ANKRD17: variants seen among roughly 807,000 people sequenced by gnomAD.
ANKRD17 encodes ankyrin repeat domain-containing protein 17.
Under a neutral mutation model 229.7 loss-of-function variants are expected in ANKRD17, and 19 were observed. That is an observed-to-expected ratio of 0.08 (90% CI 0.06 to 0.12). The LOEUF is 0.12. Ranked by LOEUF, ANKRD17 falls within the 10% of genes least tolerant of loss-of-function variation. The pLI is 1.00. For synonymous variants in ANKRD17, 1,112 were observed against 1,146.1 expected (o/e 0.97, Z 0.60); for missense variants, 2,176 against 3,176.8 (o/e 0.68, Z 7.57).
Position 73,074,292 on chromosome 4 carries a change from A to C in ANKRD17, c.*1939T>G, listed in dbSNP as rs1720874033. ...ATAGCATCTGTTCTCCAGCAGGATTACCTTAAATAGAAAATAACCCTAGTT... is the reference window on the plus strand; with the variant it reads ...ATAGCATCTGTTCTCCAGCAGGATTCCCTTAAATAGAAAATAACCCTAGTT... On this transcript the variant is annotated 3_prime_UTR_variant, in exon 34 of 34. Coordinates refer to ENST00000358602, the MANE Select transcript of ANKRD17 (RefSeq NM_032217.5). 6.6e-6 allele frequency: 1 copy of C among 152,048 alleles called. No individual in the cohort carries two copies. Among genetic ancestry groups the C allele is most frequent in the African/African-American group, 2.4e-5 (1 of 41,452 alleles). The allele number at this position is 152,048 out of a possible 1,614,324, so 9.4% of individuals were successfully genotyped here.
chr4:73,139,086 C>A (rs1161537118), intron 15 of ANKRD17, among the ~76,000 whole-genome samples: 1 of 151,840 alleles, frequency 6.6e-6, no homozygotes, highest in Non-Finnish European at 1.5e-5. Context: ...GAAGTCTGAT[C>A]CATTAGGATA....
In ANKRD17 at chr4:73,176,911, C is replaced by T. The variant is rs542401468; in HGVS notation, c.547+469G>A. 5.5e-4 allele frequency among the ~76,000 whole-genome samples: 83 copies of T among 152,152 alleles called. 1 individual carries two copies. The South Asian group carries it at 0.016, about 29-fold the overall frequency. Reference sequence around the variant, plus strand: ...CAAAAATCACAAAAATGTGTAAAACCTGGCATTAAATAGGCCACAAAAGGA... The same window carrying T: ...CAAAAATCACAAAAATGTGTAAAACTTGGCATTAAATAGGCCACAAAAGGA... On this transcript the variant is annotated intron_variant, in intron 2 of 33. Transcript: ENST00000358602.
intron 1 of ANKRD17, among the ~76,000 whole-genome samples, chr4:73,250,731 G>C (rs1446114112): frequency 6.8e-6 from 1 of 147,926 alleles, no homozygotes; most frequent in Non-Finnish European, 1.5e-5. Flanking sequence ...GCTTGAGACA[G>C]AGTCTCACTC....
intron 1 of ANKRD17, among the ~76,000 whole-genome samples, chr4:73,200,047 A>G (rs1738440572): frequency 1.3e-5 from 2 of 152,218 alleles, no homozygotes; most frequent in Admixed American, 1.3e-4. Flanking sequence ...AAATGGATTT[A>G]GATTACAAAA....
intron 6 of ANKRD17, among the ~76,000 whole-genome samples, chr4:73,153,102 C>T (rs1731213347): frequency 6.6e-6 from 1 of 152,030 alleles, no homozygotes; most frequent in Non-Finnish European, 1.5e-5. Context: ...ATTTAAGGAG[C>T]CACTCACATG....
intron 1 of ANKRD17, among the ~76,000 whole-genome samples, chr4:73,236,413 G>C (rs561027302): frequency 6.6e-6 from 1 of 152,088 alleles, no homozygotes; most frequent in East Asian, 1.9e-4. Flanking sequence ...CCTCCCAAAG[G>C]GCTGTCATTA....
chr4:73,136,101 C>T (rs1265419929), intron 15 of ANKRD17, among the ~76,000 whole-genome samples: 3 of 152,086 alleles, frequency 2.0e-5, no homozygotes, highest in Non-Finnish European at 2.9e-5. Context: ...GGGAGGACTC[C>T]AAATATGCTG....
chr4:73,091,030 C>G lies in ANKRD17; in HGVS notation c.6598G>C (p.Val2200Leu). ...KNSASVQNSS[V>L]AVLSVNHIKR... ...ATGTGATTGACACTGAGGACTGCAACAGATGAATTTTGCACTGAAGCTGAA... is the reference window on the plus strand; with the variant it reads ...ATGTGATTGACACTGAGGACTGCAAGAGATGAATTTTGCACTGAAGCTGAA... Residue 2200 changes from valine to leucine, a missense_variant, in exon 29 of 34, where the codon GTT (valine) becomes CTT (leucine). This residue lies in a region of ANKRD17 where 424 missense variants were observed against 454.0 expected (regional missense o/e 0.93). Transcript: ENST00000358602. The G allele has an allele frequency of 9.9e-6, 16 of 1,614,170 alleles. No homozygotes were observed. Among genetic ancestry groups the G allele is most frequent in the Non-Finnish European group, 1.4e-5 (16 of 1,180,032 alleles).
rs112558106 is a variant in ANKRD17, at chr4:73,120,366, G to T, written c.3850-29C>A. On this transcript the variant is annotated intron_variant, in intron 20 of 33. Transcript: ENST00000358602. ...AGTTTAGTGTAAAATTAAAAGTAAT[G>T]ACACGTAAGAGACTGGAAAGATCTA... The T allele has an allele frequency of 1.7e-4, 265 of 1,601,024 alleles. 1 individual carries two copies. In the African/African-American group the frequency reaches 2.8e-3, roughly 17 times the overall value.
intron 1 of ANKRD17, among the ~76,000 whole-genome samples, chr4:73,245,020 A>G (rs1236417723): frequency 6.6e-6 from 1 of 152,160 alleles, no homozygotes; most frequent in East Asian, 1.9e-4. Context: ...ACAGACATGA[A>G]AACAGTGCTA....
intron 3 of ANKRD17, among the ~76,000 whole-genome samples, chr4:73,160,351 G>A (rs1452773431): frequency 2.6e-5 from 4 of 151,742 alleles, no homozygotes; most frequent in East Asian, 1.9e-4. Flanking sequence ...CCCGAGTAGC[G>A]GGGATTGCAG....
At chr4:73,237,275 C>A (rs962385073) in intron 1 of ANKRD17, among the ~76,000 whole-genome samples, 1 of 152,246 alleles carries the variant, frequency 6.6e-6, no homozygotes, top group East Asian at 1.9e-4. Flanking sequence ...ACTGCTCATG[C>A]ATAGAAGACA....
At chr4:73,096,742 T>C (rs776411411) in intron 27 of ANKRD17, among the ~76,000 whole-genome samples, 3 of 152,206 alleles carry the variant, frequency 2.0e-5, no homozygotes, top group Non-Finnish European at 2.9e-5. Context: ...AATAAAGTTA[T>C]CTTATGATTT....
chr4:73,243,172 G>C (rs183302248), intron 1 of ANKRD17, among the ~76,000 whole-genome samples: 196 of 152,140 alleles, frequency 1.3e-3, no homozygotes, highest in Admixed American at 2.6e-3. Context: ...AACTAGAAGG[G>C]CTGGAACAAC....
intron 24 of ANKRD17, chr4:73,102,916 C>T (rs572184439): frequency 6.0e-6 from 1 of 166,976 alleles, no homozygotes; most frequent in Non-Finnish European, 1.3e-5. Context: ...CTCTCCTGTA[C>T]TGCTGCGGGC....
chr4:73,097,721 G>T (rs914768282), intron 26 of ANKRD17, among the ~76,000 whole-genome samples: 1 of 152,112 alleles, frequency 6.6e-6, no homozygotes, highest in Non-Finnish European at 1.5e-5. Flanking sequence ...TTATAAGCAT[G>T]AGCCATTGCA....
At chr4:73,252,610 CTT>C (rs1159506647) in intron 1 of ANKRD17, among the ~76,000 whole-genome samples, 2 of 152,082 alleles carry the variant, frequency 1.3e-5, no homozygotes, top group African/African-American at 2.4e-5. Context: ...TCAACAAAAT[CTT>C]TTGTTTAATA....
At chr4:73,253,003 A>T (rs1745162833) in intron 1 of ANKRD17, among the ~76,000 whole-genome samples, 1 of 152,204 alleles carries the variant, frequency 6.6e-6, no homozygotes, top group South Asian at 2.1e-4. Flanking sequence ...GAAATATGGT[A>T]CTCAACACCA....
At chr4:73,183,830 G>A (rs1186057933) in intron 1 of ANKRD17, among the ~76,000 whole-genome samples, 1 of 152,066 alleles carries the variant, frequency 6.6e-6, no homozygotes, top group East Asian at 1.9e-4. Context: ...AATTTTGAAA[G>A]ACTAAAGGTG....
Sources: allele counts gnomAD v4.1 joint callset (sites outside exome capture counted in the v4.1 genomes callset), GRCh38; gene constraint gnomAD v4.1.1; regional missense constraint gnomAD v4.1.1; transcripts MANE v1.5; gene names NCBI Gene and HGNC (gene_info 2026-07-23, HGNC 2026-07-21).